The following FGF13 variants were observed in gnomAD, a reference collection of about 807,000 sequenced individuals.
FGF13 encodes the protein fibroblast growth factor homologous factor 2.
FGF13 carries 2 observed loss-of-function variants against 19.5 expected under a neutral mutation model. That is an observed-to-expected ratio of 0.10 (90% CI 0.04 to 0.32). The LOEUF (loss-of-function observed/expected upper bound fraction) is 0.32, where lower values mean the gene tolerates loss of function less well. FGF13 is among the 10% of genes least tolerant of loss of function. The probability of loss-of-function intolerance (pLI) is 1.00; values close to 1 mark genes in which losing one functional copy is unlikely to be tolerated. For missense variants in FGF13, 113 were observed against 192.7 expected (o/e 0.59, Z 2.45); for synonymous variants, 72 against 76.9 (o/e 0.94, Z 0.33).
chrX:138,982,619 A>G (rs764360123), intron 1 of FGF13, among the ~76,000 whole-genome samples: 97 of 112,355 alleles, frequency 8.6e-4, no homozygotes, highest in African/African-American at 3.1e-3. Flanking sequence ...TCAGCTAAAT[A>G]TGATAGAATC....
chrX:138,709,715 G>A (rs2090024376), intron 1 of FGF13, among the ~76,000 whole-genome samples: 1 of 111,944 alleles, frequency 8.9e-6, no homozygotes, highest in Non-Finnish European at 1.9e-5. Flanking sequence ...ACCAATAACA[G>A]CCATGTTATC....
At chrX:138,969,926 C>T (rs943816166) in intron 1 of FGF13, among the ~76,000 whole-genome samples, 42 of 111,759 alleles carry the variant, frequency 3.8e-4, no homozygotes, top group African/African-American at 1.3e-3. Flanking sequence ...TGGCAACAAT[C>T]TTAGACTAAA....
chrX:138,626,729 GACAC>G lies in FGF13; in HGVS notation c.*6117_*6120del, dbSNP rs899177842. On this transcript the variant is annotated 3_prime_UTR_variant, in exon 5 of 5. Coordinates refer to ENST00000315930, the MANE Select transcript of FGF13 (RefSeq NM_004114.5). ...CCTGCTACACACACACACAGACACA[GACAC>G]ACACACACGCACACAGAAACAATAG... The G allele has an allele frequency of 1.8e-5, 2 of 111,182 alleles. No individual in the cohort carries two copies. The highest frequency in any genetic ancestry group is 6.5e-5 in the African/African-American group (2 of 30,596). The allele number at this position is 111,182 out of a possible 1,213,427, so 9.2% of individuals were successfully genotyped here. A position where few individuals can be genotyped will look rare whatever the true frequency, so the allele number is the denominator to read the frequency against.
At chrX:138,744,801 A>G (rs1049610145) in intron 3 of FGF13, among the ~76,000 whole-genome samples, 2 of 111,803 alleles carry the variant, frequency 1.8e-5, no homozygotes, top group Non-Finnish European at 3.8e-5. Context: ...GTTCAAAAAT[A>G]TTACTCAGAA....
chrX:139,187,085 A>C (rs1028630278), intron 1 of FGF13, among the ~76,000 whole-genome samples: 15 of 112,964 alleles, frequency 1.3e-4, no homozygotes, highest in African/African-American at 1.6e-4. Context: ...CAACACCTAC[A>C]ATCAAGCTTG....
intron 3 of FGF13, among the ~76,000 whole-genome samples, chrX:138,829,282 G>C (rs1269774229): frequency 1.8e-5 from 2 of 111,599 alleles, no homozygotes; most frequent in East Asian, 5.7e-4. Context: ...CCTAGTAGAA[G>C]GTATTTGGGG....
intron 1 of FGF13, among the ~76,000 whole-genome samples, chrX:138,958,908 C>G (rs1020150219): frequency 9.0e-6 from 1 of 111,503 alleles, no homozygotes; most frequent in African/African-American, 3.3e-5. Context: ...TGATTCTTCT[C>G]TCTTTTCCTC....
At chrX:139,104,818 A>G (rs1470042553) in intron 1 of FGF13, among the ~76,000 whole-genome samples, 2 of 110,507 alleles carry the variant, frequency 1.8e-5, no homozygotes, top group African/African-American at 6.6e-5. Context: ...CTCAATCCAC[A>G]TGACTCAATC....
At chrX:139,099,234 G>T (rs1241259725) in intron 1 of FGF13, among the ~76,000 whole-genome samples, 2 of 110,545 alleles carry the variant, frequency 1.8e-5, no homozygotes, top group Non-Finnish European at 3.8e-5. Context: ...TAGAATAAAA[G>T]TTAGAAATAA....
chrX:138,876,596 C>T (rs954695487), intron 1 of FGF13, among the ~76,000 whole-genome samples: 10 of 111,848 alleles, frequency 8.9e-5, no homozygotes, highest in South Asian at 3.8e-4. Flanking sequence ...GGTCCTATTG[C>T]CACAAACAAC....
intron 1 of FGF13, among the ~76,000 whole-genome samples, chrX:139,049,248 G>A (rs2092297201): frequency 2.7e-5 from 3 of 110,557 alleles, no homozygotes; most frequent in African/African-American, 9.9e-5. Flanking sequence ...GACAGGGAAT[G>A]GTTAATGGGT....
At chrX:138,667,020 A>G (rs774883294) in intron 3 of FGF13, among the ~76,000 whole-genome samples, 193 of 109,194 alleles carry the variant, frequency 1.8e-3, no homozygotes, top group South Asian at 1.5e-3. Flanking sequence ...CATGGTATGC[A>G]TAGTTATTCC....
intron 3 of FGF13, among the ~76,000 whole-genome samples, chrX:138,810,624 C>G (rs1319271172): frequency 8.9e-6 from 1 of 111,973 alleles, no homozygotes; most frequent in African/African-American, 3.3e-5. Context: ...AACTTCTGCA[C>G]AGCTAAAGAA....
At chrX:138,701,911 C>T (rs917695648) in intron 3 of FGF13, among the ~76,000 whole-genome samples, 1 of 112,453 alleles carries the variant, frequency 8.9e-6, no homozygotes, top group Non-Finnish European at 1.9e-5. Context: ...GTAAGAAGTT[C>T]GACAAGCAAT....
intron 3 of FGF13, among the ~76,000 whole-genome samples, chrX:138,759,476 T>C (rs1461332222): frequency 1.8e-5 from 2 of 112,413 alleles, no homozygotes; most frequent in Non-Finnish European, 3.8e-5. Context: ...AGAATGAAGT[T>C]CTAATGCTGG....
At chrX:138,667,656 G>A (rs1018917820) in intron 3 of FGF13, 3 of 344,998 alleles carry the variant, frequency 8.7e-6, no homozygotes, top group Non-Finnish European at 1.7e-5. Context: ...GATTCCAGGT[G>A]AAATGGCTTT....
intron 3 of FGF13, among the ~76,000 whole-genome samples, chrX:138,806,026 G>T (rs1004109661): frequency 9.0e-6 from 1 of 111,545 alleles, no homozygotes; most frequent in Non-Finnish European, 1.9e-5. Flanking sequence ...ATAAATGGCT[G>T]TTAATGAATA....
intron 3 of FGF13, among the ~76,000 whole-genome samples, chrX:138,669,588 G>A (rs927817367): frequency 3.6e-5 from 4 of 110,867 alleles, no homozygotes; most frequent in African/African-American, 9.8e-5. Context: ...GCATGAAAGC[G>A]GCATGCAGTC....
At chrX:138,650,674 G>A (rs150746589) in intron 3 of FGF13, among the ~76,000 whole-genome samples, 96 of 111,463 alleles carry the variant, frequency 8.6e-4, no homozygotes, top group African/African-American at 2.8e-3. Context: ...GTGATGTTTC[G>A]ATACATGTAT....
Sources: gnomAD v4.1 joint callset for allele counts (sites outside exome capture counted in the v4.1 genomes callset) on GRCh38, gnomAD v4.1.1 for gene constraint, MANE v1.5 for transcripts, NCBI Gene and HGNC (gene_info 2026-07-23, HGNC 2026-07-21) for gene names.